AP2A1: variants seen among roughly 807,000 people sequenced by gnomAD.
The protein encoded by AP2A1 is AP-2 complex subunit alpha-1.
Under a neutral mutation model 107.3 loss-of-function variants are expected in AP2A1, and 21 were observed. That is an observed-to-expected ratio of 0.20 (90% CI 0.14 to 0.28). The LOEUF (loss-of-function observed/expected upper bound fraction) is 0.28. AP2A1 is among the 10% of genes least tolerant of loss of function. The pLI is 1.00. For missense variants in AP2A1, 873 were observed against 1,307.7 expected, an observed-to-expected ratio of 0.67 and a Z score of 5.13; for synonymous variants, 602 against 564.8, an observed-to-expected ratio of 1.07 and a Z score of -0.93.
intron 12 of AP2A1, 25 bp downstream of exon 12, chr19:49,801,083 G>A (rs952434534): frequency 3.1e-5 from 49 of 1,571,628 alleles, no homozygotes; most frequent in Non-Finnish European, 3.7e-5. Flanking sequence ...GCCTGCAGGG[G>A]AGAACACACA....
At position 49,807,108 on chromosome 19, in the gene AP2A1, G is replaced by A. The variant is rs1406057060; in HGVS notation, c.*350G>A. 6 of 1,560,512 alleles carry A rather than the reference G, an allele frequency of 3.8e-6. No homozygotes were observed. The highest frequency in any genetic ancestry group is 3.5e-6 in the Non-Finnish European group (4 of 1,147,634). ...ATTGTGAGCGAATAAACAGAGAGAC[G>A]CTAACAGCCCCATGTCTGTGTCCAT... On this transcript the variant is annotated 3_prime_UTR_variant, in exon 23 of 23. Coordinates refer to ENST00000354293, the MANE Select transcript of AP2A1 (RefSeq NM_130787.3).
At chr19:49,777,715 G>A (rs948313125) in intron 1 of AP2A1, among the ~76,000 whole-genome samples, 119 of 151,988 alleles carry the variant, frequency 7.8e-4, no homozygotes, top group African/African-American at 2.6e-3. Flanking sequence ...TGAGGTGGGC[G>A]GAGGAGTTGA....
chr19:49,786,695 G>A (rs577142113), intron 4 of AP2A1, among the ~76,000 whole-genome samples: 3 of 152,218 alleles, frequency 2.0e-5, no homozygotes, highest in African/African-American at 2.4e-5. Context: ...GTGGCCAGTC[G>A]CAAATGCTGC....
intron 7 of AP2A1, among the ~76,000 whole-genome samples, chr19:49,798,119 C>T (rs945122716): frequency 6.6e-6 from 1 of 152,194 alleles, no homozygotes; most frequent in Non-Finnish European, 1.5e-5. Flanking sequence ...GAAAAATCTG[C>T]GGAACCATTT....
chr19:49,807,057 C>G lies in AP2A1; in HGVS notation c.*299C>G. The G allele has an allele frequency of 6.4e-7, 1 of 1,573,280 alleles. No individual in the cohort carries two copies. The highest frequency in any genetic ancestry group is 1.4e-5 in the African/African-American group (1 of 73,474). Reference sequence around the variant, plus strand: ...CCACCCTGTTGTAGCCCCTCCTACCCCCTCCCCATCCAGGGGCTGTGTATT... The same window carrying G: ...CCACCCTGTTGTAGCCCCTCCTACCGCCTCCCCATCCAGGGGCTGTGTATT... On this transcript the variant is annotated 3_prime_UTR_variant, in exon 23 of 23. Coordinates refer to ENST00000354293, the MANE Select transcript of AP2A1 (RefSeq NM_130787.3).
Position 49,792,977 on chromosome 19 carries a change from C to G in AP2A1, c.604-14C>G, listed in dbSNP as rs770199377. ...CCCCCAGGGGCCTGACTTGTCTCTC[C>G]TCTGCCCCTGCAGGGTGTGGTCACG... On this transcript the variant is annotated splice_polypyrimidine_tract_variant and intron_variant, in intron 5 of 22. Coordinates refer to ENST00000354293, the MANE Select transcript of AP2A1 (RefSeq NM_130787.3). The G allele has an allele frequency of 6.3e-7, 1 of 1,585,176 alleles. No individual in the cohort carries two copies. Among genetic ancestry groups the G allele is most frequent in the Non-Finnish European group, 8.6e-7 (1 of 1,165,588 alleles).
intron 4 of AP2A1, among the ~76,000 whole-genome samples, chr19:49,783,840 G>A (rs549291982): frequency 2.5e-4 from 38 of 152,328 alleles, no homozygotes; most frequent in Non-Finnish European, 4.1e-4. Flanking sequence ...GGGACTATGA[G>A]GAAAATTACC....
Position 49,805,935 on chromosome 19 carries a change from G to A in AP2A1, c.2649G>A (p.Lys883=), listed in dbSNP as rs1255498388. 3.1e-6 allele frequency: 5 copies of A among 1,613,730 alleles called. No homozygotes were observed. Among genetic ancestry groups the A allele is most frequent in the Non-Finnish European group, 3.4e-6 (4 of 1,179,892 alleles). ...ANHPMDAEVT[K]AKLLGFGSAL... is the part of the protein sequence containing the mutation. ...ACCCCATGGACGCAGAAGTTACTAAGGCCAAGGTGAGAGACCGCGGGCGTG... is the reference window on the plus strand; with the variant it reads ...ACCCCATGGACGCAGAAGTTACTAAAGCCAAGGTGAGAGACCGCGGGCGTG... The change falls in exon 21 of 23, where the codon AAG becomes AAA. Residue 883 remains lysine (K), a synonymous_variant. Coordinates refer to ENST00000354293, the MANE Select transcript of AP2A1 (RefSeq NM_130787.3).
intron 18 of AP2A1, chr19:49,803,605 C>T (rs1190659742): frequency 8.9e-6 from 5 of 564,738 alleles, no homozygotes; most frequent in Non-Finnish European, 1.6e-5. Flanking sequence ...AGAACTCCAC[C>T]TGCTCCAGGC....
intron 4 of AP2A1, 55 bp downstream of exon 4, chr19:49,782,779 C>T: frequency 6.6e-7 from 1 of 1,510,038 alleles, no homozygotes; most frequent in Non-Finnish European, 8.9e-7. Flanking sequence ...TGAGTCCCAG[C>T]CAAGTGTGAG....
At chr19:49,772,879 A>T (rs923444235) in intron 1 of AP2A1, among the ~76,000 whole-genome samples, 2 of 151,794 alleles carry the variant, frequency 1.3e-5, no homozygotes, top group Non-Finnish European at 2.9e-5. Context: ...GCTGGTGCAG[A>T]GAGGGATGGG....
intron 3 of AP2A1, 63 bp downstream of exon 3, chr19:49,782,152 G>A: frequency 7.7e-7 from 1 of 1,299,150 alleles, no homozygotes; most frequent in Non-Finnish European, 1.0e-6. Flanking sequence ...GGGGGCTGGA[G>A]GTCTGGACTC....
In AP2A1 at chr19:49,800,158, T is replaced by C. The variant is rs763787974; in HGVS notation, c.1455+8T>C. The C allele has an allele frequency of 7.5e-6, 12 of 1,603,552 alleles. No individual in the cohort carries two copies. The highest frequency in any genetic ancestry group is 2.2e-5 in the East Asian group (1 of 44,488). ...GCCAAGACCGTCTTTGAGGTCAGCATCCCTGACCCTGACCCTATGACCCCA... is the reference window on the plus strand; with the variant it reads ...GCCAAGACCGTCTTTGAGGTCAGCACCCCTGACCCTGACCCTATGACCCCA... On this transcript the variant is annotated splice_region_variant and intron_variant, in intron 11 of 22. Coordinates refer to ENST00000354293, the MANE Select transcript of AP2A1 (RefSeq NM_130787.3).
chr19:49,781,666 T>G (rs2084676905), intron 1 of AP2A1, 91 bp from the exon 2 acceptor site: 1 of 1,327,394 alleles, frequency 7.5e-7, no homozygotes, highest in Non-Finnish European at 1.1e-6. Flanking sequence ...AGATCTGCCC[T>G]TCCTGCTGGG....
chr19:49,802,177 C>T (rs1216580486), intron 15 of AP2A1, 36 bp downstream of exon 15: 15 of 1,512,830 alleles, frequency 9.9e-6, no homozygotes, highest in Non-Finnish European at 1.3e-5. Context: ...TTCTCGCGGC[C>T]ACCCCCAGGG....
At chr19:49,769,610 G>A (rs894137385) in intron 1 of AP2A1, among the ~76,000 whole-genome samples, 1 of 152,136 alleles carries the variant, frequency 6.6e-6, no homozygotes, top group Non-Finnish European at 1.5e-5. Context: ...AGAGAGGGCG[G>A]GTGTGGAGGG....
At position 49,805,461 on chromosome 19, in the gene AP2A1, G is replaced by A; in HGVS notation, c.2353G>A (p.Val785Met). Residue 785 changes from valine (V) to methionine (M), a missense_variant, in exon 19 of 23, where the codon GTG (valine) becomes ATG (methionine). Around this residue, in one of 4 missense-constraint regions of AP2A1, gnomAD observed 416 missense variants for 473.4 expected, o/e 0.88. Transcript: ENST00000354293. ...TGACTCCTGGCGGGCACAGCTGGCT[G>A]TGCAGACCAAGCGCGTGGCGGCGCA... ...HPGDLQTQLA[V>M]QTKRVAAQVD... 1 of 1,544,806 alleles carries A rather than the reference G, an allele frequency of 6.5e-7. No individual in the cohort carries two copies. The highest frequency in any genetic ancestry group is 8.8e-7 in the Non-Finnish European group (1 of 1,142,846).
intron 11 of AP2A1, chr19:49,800,643 G>A (rs2123748726): frequency 3.5e-6 from 1 of 288,304 alleles, no homozygotes. Flanking sequence ...TAATTTGTTT[G>A]TATTTTTAGT....
chr19:49,789,992 G>C (rs988839560), intron 4 of AP2A1, among the ~76,000 whole-genome samples: 1 of 152,192 alleles, frequency 6.6e-6, no homozygotes, highest in Non-Finnish European at 1.5e-5. Flanking sequence ...CTGCCCGCTG[G>C]CTGCCAGGTT....
Sources: gnomAD v4.1 joint callset for allele counts (sites outside exome capture counted in the v4.1 genomes callset) on GRCh38, gnomAD v4.1.1 for gene constraint, gnomAD v4.1.1 regional missense constraint, MANE v1.5 for transcripts, NCBI Gene and HGNC (gene_info 2026-07-23, HGNC 2026-07-21) for gene names.